Variants in CTNND2 observed in about 807,000 individuals in gnomAD.
CTNND2 encodes the protein catenin delta-2.
CTNND2 carries 22 observed loss-of-function variants against 144.4 expected under a neutral mutation model. That is an observed-to-expected ratio of 0.15 (90% CI 0.11 to 0.22). The LOEUF (loss-of-function observed/expected upper bound fraction) is 0.22. CTNND2 is among the 10% of genes least tolerant of loss of function. The probability of loss-of-function intolerance (pLI) is 1.00; values close to 1 mark genes in which losing one functional copy is unlikely to be tolerated. For missense variants in CTNND2, 1,353 were observed against 1,618.8 expected, an observed-to-expected ratio of 0.84 and a Z score of 2.82; for synonymous variants, 751 against 695.6, an observed-to-expected ratio of 1.08 and a Z score of -1.25.
chr5:11,182,824 C>T (rs1735228933), intron 11 of CTNND2, among the ~76,000 whole-genome samples: 1 of 152,156 alleles, frequency 6.6e-6, no homozygotes, highest in Non-Finnish European at 1.5e-5. Context: ...CATAGCAACT[C>T]AGATTGTGTT....
intron 15 of CTNND2, among the ~76,000 whole-genome samples, chr5:11,096,696 T>C (rs1052135870): frequency 3.9e-5 from 6 of 152,080 alleles, no homozygotes; most frequent in African/African-American, 1.4e-4. Flanking sequence ...GTTGTTATTA[T>C]TACATGATAA....
intron 11 of CTNND2, 83 bp from the exon 12 acceptor site, chr5:11,159,842 G>A (rs771781552): frequency 1.3e-4 from 140 of 1,082,610 alleles, no homozygotes; most frequent in Non-Finnish European, 1.7e-4. Context: ...TTGAGTTAAC[G>A]GAACTGGCAG....
chr5:11,425,905 A>G (rs1313578053), intron 3 of CTNND2, among the ~76,000 whole-genome samples: 1 of 152,142 alleles, frequency 6.6e-6, no homozygotes, highest in African/African-American at 2.4e-5. Context: ...CAACCCTGCT[A>G]CGTCAGTTTC....
At chr5:11,185,733 G>A (rs1326456042) in intron 11 of CTNND2, among the ~76,000 whole-genome samples, 2 of 152,150 alleles carry the variant, frequency 1.3e-5, no homozygotes, top group Admixed American at 6.5e-5. Context: ...CGTTTCATCA[G>A]GAATGACAAA....
At chr5:11,406,567 A>G (rs1187793907) in intron 5 of CTNND2, among the ~76,000 whole-genome samples, 2 of 152,128 alleles carry the variant, frequency 1.3e-5, no homozygotes, top group African/African-American at 4.8e-5. Flanking sequence ...TATTATTATT[A>G]TTGCATGAGA....
At chr5:11,880,827 CACTACTACCACT>C (rs1736030242) in intron 1 of CTNND2, among the ~76,000 whole-genome samples, 1 of 117,872 alleles carries the variant, frequency 8.5e-6, no homozygotes, top group African/African-American at 3.3e-5. Flanking sequence ...CTAGTACTAC[CACTACTACCACT>C]ACTACTACCA....
chr5:11,524,426 G>A (rs929171530), intron 3 of CTNND2, among the ~76,000 whole-genome samples: 9 of 152,178 alleles, frequency 5.9e-5, no homozygotes, highest in Admixed American at 5.9e-4. Flanking sequence ...AGCAAACAGT[G>A]GATTTTTATT....
In CTNND2 at chr5:11,732,200, G is replaced by A. The variant is rs758691725; in HGVS notation, c.110C>T (p.Thr37Ile). 23 of 1,613,920 alleles carry A rather than the reference G, an allele frequency of 1.4e-5. No homozygotes were observed. Among genetic ancestry groups the A allele is most frequent in the Non-Finnish European group, 1.7e-5 (20 of 1,179,946 alleles). Reference protein sequence around the residue: ...KTSSLSPGLNTSNGDGSETET... With the variant: ...KTSSLSPGLNISNGDGSETET... ...TGTTTCAGAGCCATCCCCGTTGGAGGTGTTTAAGCCGGGGCTCAGGGAACT... is the reference window on the plus strand; with the variant it reads ...TGTTTCAGAGCCATCCCCGTTGGAGATGTTTAAGCCGGGGCTCAGGGAACT... The change falls in exon 2 of 22, where the codon ACC becomes ATC. Residue 37 changes from threonine (T) to isoleucine (I), a missense_variant. Physicochemically the swap from Thr to Ile is moderately conservative, Grantham distance 89 (BLOSUM62 -1). Transcript: ENST00000304623.
chr5:11,018,193 A>G, intron 17 of CTNND2, 135 bp from the exon 18 acceptor site: 1 of 624,244 alleles, frequency 1.6e-6, no homozygotes, highest in Admixed American at 2.4e-5. Flanking sequence ...GCTCCCTGAT[A>G]TTACTACTGT....
rs139333271 is a variant in CTNND2 at position 11,112,858 on chromosome 5, A to G, written c.2278-1815T>C. ...GAGGGTCATATTAACAGTATCATGT[A>G]CAGGCTGGGCGCGGTGGCTCATGCC... On this transcript the variant is annotated intron_variant, in intron 13 of 21. Transcript: ENST00000304623. Among the ~76,000 whole-genome samples, 150 of 152,288 alleles carry G rather than the reference A, an allele frequency of 9.8e-4. 2 individuals carry two copies. The East Asian group carries it at 0.028, about 28-fold the overall frequency.
At chr5:11,298,326 A>T (rs752417529) in intron 9 of CTNND2, among the ~76,000 whole-genome samples, 1 of 152,014 alleles carries the variant, frequency 6.6e-6, no homozygotes, top group Non-Finnish European at 1.5e-5. Context: ...ATGCACCACC[A>T]TGCTGGGCCA....
chr5:11,785,641 G>T (rs147608605), intron 1 of CTNND2, among the ~76,000 whole-genome samples: 5 of 120,482 alleles, frequency 4.1e-5, no homozygotes, highest in Non-Finnish European at 1.8e-5. Context: ...TCCCAAACTC[G>T]CAGGTTAAAT....
At chr5:11,193,507 A>G (rs1736549020) in intron 11 of CTNND2, among the ~76,000 whole-genome samples, 1 of 152,144 alleles carries the variant, frequency 6.6e-6, no homozygotes, top group South Asian at 2.1e-4. Flanking sequence ...CCTGGACATT[A>G]TTTGGAATAA....
At chr5:11,870,290 C>T (rs35521501) in intron 1 of CTNND2, among the ~76,000 whole-genome samples, 4,237 of 152,186 alleles carry the variant, frequency 0.028, 85 homozygotes, top group Middle Eastern at 0.044. Context: ...CAGAGGCTTG[C>T]GATGCTGCTC....
intron 2 of CTNND2, among the ~76,000 whole-genome samples, chr5:11,715,107 A>C (rs185107122): frequency 6.6e-6 from 1 of 152,258 alleles, no homozygotes; most frequent in African/African-American, 2.4e-5. Flanking sequence ...CATGGCCCTG[A>C]GTTACCAGGC....
At chr5:11,433,027 G>A (rs1460677829) in intron 3 of CTNND2, among the ~76,000 whole-genome samples, 6 of 152,180 alleles carry the variant, frequency 3.9e-5, no homozygotes, top group African/African-American at 7.2e-5. Context: ...GGCGGATCAC[G>A]AGGTCAGAAG....
At chr5:11,217,802 C>A (rs1418964374) in intron 10 of CTNND2, among the ~76,000 whole-genome samples, 2 of 152,156 alleles carry the variant, frequency 1.3e-5, no homozygotes, top group East Asian at 3.9e-4. Flanking sequence ...TGTTCAAAAG[C>A]TTAAGGTTGT....
Position 11,782,800 on chromosome 5 carries a change from T to TTCTTTTACATGCTTATAA in CTNND2, c.38-50546_38-50529dup, listed in dbSNP as rs1790615337. ...TCATTTCTCATCTATATGTTGATCT[T>TTCTTTTACATGCTTATAA]TCTTTTACATGCTTATAATCAAGTC... On this transcript the variant is annotated intron_variant, in intron 1 of 21. Transcript: ENST00000304623. Among the ~76,000 whole-genome samples, 3 of 152,226 alleles carry TTCTTTTACATGCTTATAA rather than the reference T, an allele frequency of 2.0e-5. No individual in the cohort carries two copies. In the South Asian group the frequency reaches 6.2e-4, roughly 31 times the overall value.
intron 9 of CTNND2, among the ~76,000 whole-genome samples, chr5:11,289,734 C>A (rs538597568): frequency 9.2e-5 from 14 of 152,314 alleles, no homozygotes; most frequent in Non-Finnish European, 1.9e-4. Flanking sequence ...TCTCAGAGAT[C>A]CTCTTTCCAC....
Sources: gnomAD v4.1 joint callset for allele counts (sites outside exome capture counted in the v4.1 genomes callset) on GRCh38, gnomAD v4.1.1 for gene constraint, MANE v1.5 for transcripts, NCBI Gene and HGNC (gene_info 2026-07-23, HGNC 2026-07-21) for gene names.